MYT1L: variants seen among roughly 807,000 people sequenced by gnomAD.
The protein encoded by MYT1L is myelin transcription factor 1-like protein.
A neutral mutation model predicts 126.7 loss-of-function variants in MYT1L; 12 were observed. The observed-to-expected ratio is 0.09, with a 90% CI of 0.06 to 0.15. The LOEUF (loss-of-function observed/expected upper bound fraction) is 0.15. MYT1L is among the 10% of genes least tolerant of loss of function. The probability of loss-of-function intolerance (pLI) is 1.00; values close to 1 mark genes in which losing one functional copy is unlikely to be tolerated. For missense variants in MYT1L, 979 were observed against 1,585.2 expected, an observed-to-expected ratio of 0.62 and a Z score of 6.49; for synonymous variants, 541 against 604.2, an observed-to-expected ratio of 0.90 and a Z score of 1.53.
intron 21 of MYT1L, among the ~76,000 whole-genome samples, chr2:1,813,611 G>T (rs889575236): frequency 3.9e-5 from 6 of 152,080 alleles, no homozygotes; most frequent in African/African-American, 1.4e-4. Flanking sequence ...TCCCAGGAGC[G>T]CAAACGCTAC....
At position 2,323,353 on chromosome 2, in the gene MYT1L, T is replaced by C. The variant is rs139410764; in HGVS notation, c.-521+7614A>G. Among the ~76,000 whole-genome samples, 146 of 152,114 alleles carry C rather than the reference T, an allele frequency of 9.6e-4. 1 individual carries two copies. Among genetic ancestry groups the C allele is most frequent in the African/African-American group, 3.4e-3 (141 of 41,514 alleles). ...AGCTTAAAATGAAAGCAAAATAAAA[T>C]CAAGTGATCTAAAATATTCAGGAAT... On this transcript the variant is annotated intron_variant, in intron 1 of 24. Transcript: ENST00000647738.
At chr2:1,872,981 G>A (rs1380053543) in intron 18 of MYT1L, among the ~76,000 whole-genome samples, 1 of 152,148 alleles carries the variant, frequency 6.6e-6, no homozygotes, top group East Asian at 1.9e-4. Context: ...GCCAAGCCAG[G>A]GAGTGAAGCC....
At chr2:2,049,201 C>T (rs2068529876) in intron 4 of MYT1L, among the ~76,000 whole-genome samples, 1 of 152,118 alleles carries the variant, frequency 6.6e-6, no homozygotes, top group South Asian at 2.1e-4. Context: ...AGGATGATGA[C>T]TATAAAGTTA....
rs942740964 is a variant in MYT1L at position 1,912,380 on chromosome 2, C to G, written c.1619-270G>C. Among the ~76,000 whole-genome samples the G allele has an allele frequency of 1.3e-5, 2 of 152,302 alleles. No homozygotes were observed. Among genetic ancestry groups the G allele is most frequent in the South Asian group, 2.1e-4 (1 of 4,820 alleles). On this transcript the variant is annotated intron_variant, in intron 11 of 24. Coordinates refer to ENST00000647738, the MANE Select transcript of MYT1L (RefSeq NM_001303052.2). The surrounding 1 kb of genome is among the most constrained non-coding windows in gnomAD (Gnocchi z 4.3). ...CCAGAGAAAGAAGGTTGACGGGACT[C>G]TATGCTAAGGGCCTCACACAGCAGA...
At chr2:2,295,589 C>CAGAGAGAGAGAGAGAGAG (rs1559583599) in intron 1 of MYT1L, among the ~76,000 whole-genome samples, 2 of 40,296 alleles carry the variant, frequency 5.0e-5, no homozygotes, top group Admixed American at 2.1e-4. Context: ...GAGAGACAGA[C>CAGAGAGAGAGAGAGAGAG]AGACAGAGAG....
chr2:2,145,389 G>C (rs2084730364), intron 3 of MYT1L, among the ~76,000 whole-genome samples: 1 of 152,192 alleles, frequency 6.6e-6, no homozygotes, highest in Non-Finnish European at 1.5e-5. Flanking sequence ...GTCTGAGACA[G>C]AGACCTAAGT....
intron 21 of MYT1L, among the ~76,000 whole-genome samples, chr2:1,835,907 A>G (rs2040819229): frequency 6.6e-6 from 1 of 152,172 alleles, no homozygotes; most frequent in South Asian, 2.1e-4. Context: ...ACACGTGAAT[A>G]CTGATACCCG....
intron 2 of MYT1L, among the ~76,000 whole-genome samples, chr2:2,179,428 G>T (rs539241231): frequency 4.6e-5 from 7 of 152,218 alleles, no homozygotes; most frequent in Non-Finnish European, 8.8e-5. Flanking sequence ...CTCCCTTCAC[G>T]CTGAGAGTGG....
At chr2:1,835,805 A>G (rs1051781019) in intron 21 of MYT1L, among the ~76,000 whole-genome samples, 1 of 152,142 alleles carries the variant, frequency 6.6e-6, no homozygotes, top group Non-Finnish European at 1.5e-5. Context: ...AGTAAAACGG[A>G]GGAATATCAA....
intron 4 of MYT1L, among the ~76,000 whole-genome samples, chr2:2,041,954 CT>C: frequency 6.6e-6 from 1 of 152,166 alleles, no homozygotes; most frequent in Non-Finnish European, 1.5e-5. Context: ...CTCCACACCC[CT>C]AGCTCTTTTA....
intron 8 of MYT1L, among the ~76,000 whole-genome samples, chr2:1,956,709 CTTGACAAG>C (rs1246100822): frequency 2.0e-5 from 3 of 151,864 alleles, no homozygotes; most frequent in Non-Finnish European, 2.9e-5. Context: ...TCTTTCTAAA[CTTGACAAG>C]TTGACAAGTT....
chr2:1,948,755 C>T (rs2057469466), intron 8 of MYT1L, among the ~76,000 whole-genome samples: 1 of 152,176 alleles, frequency 6.6e-6, no homozygotes, highest in Admixed American at 6.5e-5. Context: ...TGGTCACCTC[C>T]ATGGCTCCGC....
In MYT1L at chr2:1,801,657, C is replaced by A; in HGVS notation, c.3276+39G>T. 1 of 1,255,550 alleles carries A rather than the reference C, an allele frequency of 8.0e-7. No individual in the cohort carries two copies. Among genetic ancestry groups the A allele is most frequent in the South Asian group, 1.3e-5 (1 of 79,150 alleles). The allele number at this position is 1,255,550 out of a possible 1,614,324, so 77.8% of individuals were successfully genotyped here. A position where few individuals can be genotyped will look rare whatever the true frequency, so the allele number is the denominator to read the frequency against. The stretch of plus-strand genomic sequence containing the variant: ...GCCATGTATCTCTGGTATAATGGCG[C>A]GTGTTAGAGCTAAAATTGAGGGCTT... On this transcript the variant is annotated intron_variant, in intron 23 of 24. Coordinates refer to ENST00000647738, the MANE Select transcript of MYT1L (RefSeq NM_001303052.2). The surrounding 1 kb of genome is among the most constrained non-coding windows in gnomAD (Gnocchi z 4.2).
At chr2:2,168,240 G>A (rs1464647568) in intron 3 of MYT1L, among the ~76,000 whole-genome samples, 1 of 152,186 alleles carries the variant, frequency 6.6e-6, no homozygotes, top group African/African-American at 2.4e-5. Context: ...GGGATGTGCA[G>A]TAAAAAAGAC....
intron 3 of MYT1L, among the ~76,000 whole-genome samples, chr2:2,060,429 T>C (rs1380764008): frequency 6.6e-6 from 1 of 152,212 alleles, no homozygotes; most frequent in Admixed American, 6.5e-5. Context: ...AATTATGTAG[T>C]GAATAAAAAA....
intron 1 of MYT1L, among the ~76,000 whole-genome samples, chr2:2,285,995 T>G (rs567676743): frequency 3.9e-4 from 60 of 152,076 alleles, no homozygotes; most frequent in Non-Finnish European, 5.7e-4. Flanking sequence ...CTTCCTTTTT[T>G]TTTGTGAGAT....
intron 4 of MYT1L, among the ~76,000 whole-genome samples, chr2:2,009,785 G>C (rs2063648326): frequency 6.6e-6 from 1 of 152,018 alleles, no homozygotes; most frequent in Admixed American, 6.6e-5. Context: ...GCTTTCTACT[G>C]GATCTTAGTG....
At chr2:2,154,439 T>C (rs1444078371) in intron 3 of MYT1L, among the ~76,000 whole-genome samples, 2 of 152,154 alleles carry the variant, frequency 1.3e-5, no homozygotes, top group Admixed American at 1.3e-4. Context: ...TAAATGCCTA[T>C]CAATAGTAGA....
chr2:2,301,671 A>C (rs1319902540), intron 1 of MYT1L, among the ~76,000 whole-genome samples: 1 of 151,940 alleles, frequency 6.6e-6, no homozygotes, highest in African/African-American at 2.4e-5. Context: ...TCTACTAAAA[A>C]ATTTAAAAAG....
Sources: allele counts gnomAD v4.1 joint callset (sites outside exome capture counted in the v4.1 genomes callset), GRCh38; gene constraint gnomAD v4.1.1; non-coding constraint Gnocchi (gnomAD v3.1); transcripts MANE v1.5; gene names NCBI Gene and HGNC (gene_info 2026-07-23, HGNC 2026-07-21).